The following NRG3 variants were observed in gnomAD, a reference collection of about 807,000 sequenced individuals.
The protein encoded by NRG3 is neuregulin 3.
A neutral mutation model predicts 66.9 loss-of-function variants in NRG3; 31 were observed. That is an observed-to-expected ratio of 0.46 (90% CI 0.35 to 0.63). The LOEUF (loss-of-function observed/expected upper bound fraction) is 0.63. Among genes scored for constraint, NRG3 ranks in the 20% least tolerant of loss-of-function variants. The probability of loss-of-function intolerance (pLI) is 0.00; values close to 1 mark genes in which losing one functional copy is unlikely to be tolerated. For missense variants in NRG3, 910 were observed against 878.9 expected (o/e 1.04, Z -0.45); for synonymous variants, 393 against 359.4 (o/e 1.09, Z -1.06).
Position 82,771,530 on chromosome 10 carries a change from T to C in NRG3, c.1027+32880T>C, listed in dbSNP as rs574508401. Among the ~76,000 whole-genome samples, 7 of 152,280 alleles carry C rather than the reference T, an allele frequency of 4.6e-5. No homozygotes were observed. The East Asian group carries it at 1.2e-3, about 25-fold the overall frequency. On this transcript the variant is annotated intron_variant, in intron 3 of 8. Transcript: ENST00000372141. The stretch of plus-strand genomic sequence containing the variant: ...CAGCAGTCTGGCTGATCTTCAGAAG[T>C]GTGGCAATCTGTTCTTATTCCATGT...
At chr10:82,493,594 T>C (rs983038650) in intron 2 of NRG3, among the ~76,000 whole-genome samples, 4 of 152,204 alleles carry the variant, frequency 2.6e-5, no homozygotes, top group African/African-American at 7.2e-5. Flanking sequence ...TGAACATACA[T>C]GTCCATGTAT....
intron 3 of NRG3, among the ~76,000 whole-genome samples, chr10:82,812,305 C>T (rs2061521684): frequency 1.3e-5 from 2 of 152,074 alleles, no homozygotes; most frequent in African/African-American, 4.8e-5. Flanking sequence ...AATTAACAAC[C>T]CAAATTTAAA....
intron 2 of NRG3, among the ~76,000 whole-genome samples, chr10:82,665,975 C>T (rs760456627): frequency 1.3e-5 from 2 of 152,178 alleles, no homozygotes; most frequent in Non-Finnish European, 2.9e-5. Flanking sequence ...GATTCTCCTG[C>T]CTCAGCCTTC....
intron 2 of NRG3, among the ~76,000 whole-genome samples, chr10:82,408,637 AT>A (rs2087811002): frequency 3.6e-5 from 4 of 111,172 alleles, no homozygotes; most frequent in African/African-American, 1.1e-4. Flanking sequence ...TATATATTAT[AT>A]ATATATATAT....
At chr10:82,582,800 C>A (rs540486813) in intron 2 of NRG3, among the ~76,000 whole-genome samples, 1 of 152,052 alleles carries the variant, frequency 6.6e-6, no homozygotes, top group Non-Finnish European at 1.5e-5. Context: ...TATATAGCAT[C>A]ATGGTCAAAG....
At chr10:82,639,078 T>A (rs2050390127) in intron 2 of NRG3, among the ~76,000 whole-genome samples, 1 of 152,214 alleles carries the variant, frequency 6.6e-6, no homozygotes, top group African/African-American at 2.4e-5. Flanking sequence ...TACTACCCAG[T>A]GTCTCTTTAT....
intron 3 of NRG3, among the ~76,000 whole-genome samples, chr10:82,838,908 C>A (rs987364360): frequency 6.6e-6 from 1 of 151,990 alleles, no homozygotes; most frequent in African/African-American, 2.4e-5. Context: ...ACAATCATGG[C>A]GGAAGGCTTG....
chr10:82,086,554 C>G (rs1025017490), intron 1 of NRG3, among the ~76,000 whole-genome samples: 4 of 152,042 alleles, frequency 2.6e-5, no homozygotes, highest in Admixed American at 6.5e-5. Context: ...TCATATTGAT[C>G]TGGGTCTTGA....
At chr10:82,459,023 C>G (rs555815638) in intron 2 of NRG3, among the ~76,000 whole-genome samples, 1 of 152,308 alleles carries the variant, frequency 6.6e-6, no homozygotes, top group Admixed American at 6.5e-5. Context: ...GCTTGCCACA[C>G]TGTAGCCAGA....
At chr10:82,891,699 T>C (rs1369202201) in intron 4 of NRG3, among the ~76,000 whole-genome samples, 1 of 152,094 alleles carries the variant, frequency 6.6e-6, no homozygotes, top group Admixed American at 6.5e-5. Flanking sequence ...TTGGATTGTC[T>C]ATAAAATCAT....
chr10:82,437,714 G>T (rs531402496), intron 2 of NRG3, among the ~76,000 whole-genome samples: 1 of 152,076 alleles, frequency 6.6e-6, no homozygotes. Context: ...CTTGGATGGG[G>T]TTTTTGTGGG....
chr10:82,500,671 C>T (rs1485133587), intron 2 of NRG3, among the ~76,000 whole-genome samples: 1 of 152,126 alleles, frequency 6.6e-6, no homozygotes, highest in East Asian at 1.9e-4. Context: ...TGTGTCTGTT[C>T]TAAACAGTGA....
intron 2 of NRG3, among the ~76,000 whole-genome samples, chr10:82,713,164 A>C (rs927245988): frequency 1.3e-5 from 2 of 151,344 alleles, no homozygotes; most frequent in African/African-American, 4.9e-5. Flanking sequence ...AAGACAGGCA[A>C]GAGGGCTAAT....
At chr10:82,526,567 C>G (rs376803182) in intron 2 of NRG3, among the ~76,000 whole-genome samples, 1 of 151,486 alleles carries the variant, frequency 6.6e-6, no homozygotes, top group African/African-American at 2.4e-5. Flanking sequence ...ATCAAAAGTA[C>G]AAATAATAAT....
chr10:82,139,094 A>G (rs2069582777), intron 1 of NRG3, among the ~76,000 whole-genome samples: 1 of 152,166 alleles, frequency 6.6e-6, no homozygotes, highest in African/African-American at 2.4e-5. Flanking sequence ...TGAACTCTGT[A>G]TCATGATAAT....
At chr10:82,621,988 A>G (rs1217393664) in intron 2 of NRG3, among the ~76,000 whole-genome samples, 1 of 152,182 alleles carries the variant, frequency 6.6e-6, no homozygotes, top group African/African-American at 2.4e-5. Context: ...ATGCAAGGAA[A>G]AAGAGAATTT....
intron 1 of NRG3, among the ~76,000 whole-genome samples, chr10:82,173,976 A>T (rs1401703435): frequency 6.6e-6 from 1 of 152,052 alleles, no homozygotes; most frequent in Non-Finnish European, 1.5e-5. Context: ...ATTCATTTCA[A>T]ATTATGTTTT....
At chr10:82,276,897 G>A (rs572187771) in intron 1 of NRG3, among the ~76,000 whole-genome samples, 36 of 152,068 alleles carry the variant, frequency 2.4e-4, no homozygotes, top group Middle Eastern at 6.8e-3. Flanking sequence ...AAAAAAGATA[G>A]TACATTTCCT....
At chr10:82,208,770 A>G (rs1806380884) in intron 1 of NRG3, among the ~76,000 whole-genome samples, 1 of 152,136 alleles carries the variant, frequency 6.6e-6, no homozygotes, top group African/African-American at 2.4e-5. Flanking sequence ...CCTCATAACA[A>G]TTTAATAAAT....
Sources: gnomAD v4.1 joint callset for allele counts (sites outside exome capture counted in the v4.1 genomes callset) on GRCh38, gnomAD v4.1.1 for gene constraint, MANE v1.5 for transcripts, NCBI Gene and HGNC (gene_info 2026-07-23, HGNC 2026-07-21) for gene names.